HMGN1: variants seen among roughly 807,000 people sequenced by gnomAD.
HMGN1 encodes high mobility group nucleosome binding domain 1.
A neutral mutation model predicts 18.4 loss-of-function variants in HMGN1; 9 were observed. The observed-to-expected ratio is 0.49, with a 90% confidence interval of 0.29 to 0.85. HMGN1 has a LOEUF of 0.85. Among genes scored for constraint, HMGN1 ranks in the 40% least tolerant of loss-of-function variants. The pLI is 0.07. For synonymous variants in HMGN1, 59 were observed against 45.0 expected (o/e 1.31, Z -1.24); for missense variants, 151 against 119.2 (o/e 1.27, Z -1.24).
intron 5 of HMGN1, among the ~76,000 whole-genome samples, chr21:39,344,070 C>T (rs1164219505): frequency 2.0e-5 from 3 of 152,026 alleles, no homozygotes; most frequent in Non-Finnish European, 4.4e-5. Flanking sequence ...GCCTGGCTAA[C>T]ACGGCGAAAC....
chr21:39,345,793 C>G (rs1375272720), intron 4 of HMGN1: 1 of 1,292,212 alleles, frequency 7.7e-7, no homozygotes, highest in Admixed American at 2.3e-5. Context: ...CAATACTGTC[C>G]TCACAAGACC....
In HMGN1 at chr21:39,348,110, T is replaced by C. The variant is rs1244469060; in HGVS notation, c.126+182A>G. The C allele has an allele frequency of 2.0e-5, 18 of 900,946 alleles. No individual in the cohort carries two copies. The East Asian group carries it at 2.6e-4, about 13-fold the overall frequency. The allele number at this position is 900,946 out of a possible 1,614,324, so 55.8% of individuals were successfully genotyped here. On this transcript the variant is annotated intron_variant, in intron 4 of 5. Transcript: ENST00000380749. ...CATCTGCAGCAGCATTAGTGTGATA[T>C]AGTTCTATAAACCAGGATGAATATA...
chr21:39,346,029 A>C (rs1034402731), intron 4 of HMGN1: 6 of 991,726 alleles, frequency 6.1e-6, no homozygotes, highest in Non-Finnish European at 8.4e-6. Context: ...GCCATGTTAA[A>C]GAAACATAAA....
At chr21:39,348,711 T>G in intron 1 of HMGN1, 134 bp from the exon 2 acceptor site, 1 of 1,169,288 alleles carries the variant, frequency 8.6e-7, no homozygotes, top group Non-Finnish European at 1.1e-6. Context: ...CCCCCTCAGC[T>G]CCCCCGGCCG....
intron 4 of HMGN1, chr21:39,346,668 T>C (rs1241018938): frequency 6.6e-6 from 1 of 152,484 alleles, no homozygotes; most frequent in Non-Finnish European, 1.5e-5. Flanking sequence ...AGTGACAAGA[T>C]ATGCCTTGAA....
chr21:39,344,884 A>G (rs1443856809), intron 5 of HMGN1, among the ~76,000 whole-genome samples: 1 of 152,202 alleles, frequency 6.6e-6, no homozygotes, highest in Non-Finnish European at 1.5e-5. Context: ...TCCAGAATAT[A>G]AAAACAAAAC....
intron 4 of HMGN1, 130 bp from the exon 5 acceptor site, chr21:39,345,404 A>G: frequency 2.4e-6 from 2 of 824,804 alleles, no homozygotes; most frequent in East Asian, 2.6e-5. Context: ...GGTTTGAGAG[A>G]GGGACATCTC....
At position 39,347,214 on chromosome 21, in the gene HMGN1, G is replaced by T. The variant is rs1404308789; in HGVS notation, c.126+1078C>A. ...TTACCACATGGTCTTCTGGTAATGA[G>T]AAATTTAAAGTTGAAAAATACTATT... On this transcript the variant is annotated intron_variant, in intron 4 of 5. Coordinates refer to ENST00000380749, the MANE Select transcript of HMGN1 (RefSeq NM_004965.7). 16 of 465,836 alleles carry T rather than the reference G, an allele frequency of 3.4e-5. 1 individual carries two copies. Among genetic ancestry groups the T allele is most frequent in the Non-Finnish European group, 4.9e-5 (16 of 324,682 alleles). The allele number at this position is 465,836 out of a possible 1,614,324, so 28.9% of individuals were successfully genotyped here.
rs776353119 is a variant in HMGN1 at position 39,342,966 on chromosome 21, A to T, written c.*146T>A. On this transcript the variant is annotated 3_prime_UTR_variant, in exon 6 of 6. Transcript: ENST00000380749. ...AAAAAAAAGCATTTACACTTAAAAA[A>T]TGGGATGAGGTGGGATTCCCTCCTT... 30 of 1,256,346 alleles carry T rather than the reference A, an allele frequency of 2.4e-5. No homozygotes were observed. Among genetic ancestry groups the T allele is most frequent in the Non-Finnish European group, 2.7e-5 (24 of 890,282 alleles). The allele number at this position is 1,256,346 out of a possible 1,614,324, so 77.8% of individuals were successfully genotyped here.
rs1240322112 is a variant in HMGN1 at position 39,349,040 on chromosome 21, G to A, written c.-123C>T. On this transcript the variant is annotated 5_prime_UTR_variant, in exon 1 of 6. Transcript: ENST00000380749. The stretch of plus-strand genomic sequence containing the variant: ...CTGCCTTGCCGCTGCCACTCCTCCC[G>A]CCGCCCGAGCTGCTGAGACCCACAG... 4.6e-6 allele frequency: 5 copies of A among 1,076,810 alleles called. No individual in the cohort carries two copies. Among genetic ancestry groups the A allele is most frequent in the East Asian group, 7.5e-5 (2 of 26,828 alleles). 66.7% of individuals were successfully genotyped at this position (1,076,810 alleles called of 1,614,324 possible).
intron 1 of HMGN1, 144 bp from the exon 2 acceptor site, chr21:39,348,721 G>A (rs1326366858): frequency 7.8e-6 from 9 of 1,159,546 alleles, no homozygotes; most frequent in Admixed American, 7.3e-5. Flanking sequence ...TCCCCCGGCC[G>A]CCAAACGTTC....
intron 5 of HMGN1, among the ~76,000 whole-genome samples, chr21:39,343,678 T>C (rs1054979311): frequency 2.0e-5 from 3 of 152,194 alleles, no homozygotes; most frequent in Non-Finnish European, 4.4e-5. Flanking sequence ...TTAACATACA[T>C]TAAGGCATGT....
intron 4 of HMGN1, chr21:39,347,474 TC>T (rs2037095873): frequency 1.6e-6 from 2 of 1,288,382 alleles, no homozygotes; most frequent in Non-Finnish European, 2.1e-6. Context: ...GTGCTAAACT[TC>T]TACCTACACT....
At chr21:39,344,693 T>C (rs2036981544) in intron 5 of HMGN1, 2 of 154,510 alleles carry the variant, frequency 1.3e-5, no homozygotes. Flanking sequence ...TAACAGACAC[T>C]GTCTCTAAGA....
intron 4 of HMGN1, chr21:39,347,315 C>T (rs2249666): frequency 0.41 from 398,716 of 961,712 alleles, 84,187 homozygotes; most frequent in Middle Eastern, 0.45. Flanking sequence ...ACATAGTTAA[C>T]ATTTTTACAC....
intron 4 of HMGN1, chr21:39,347,428 T>C: frequency 7.8e-7 from 1 of 1,285,432 alleles, no homozygotes; most frequent in African/African-American, 1.5e-5. Flanking sequence ...CTCCTCAATG[T>C]CAAGGAAATT....
chr21:39,348,941 C>T lies in HMGN1; in HGVS notation c.-24G>A. 1 of 1,196,310 alleles carries T rather than the reference C, an allele frequency of 8.4e-7. No homozygotes were observed. Among genetic ancestry groups the T allele is most frequent in the Non-Finnish European group, 1.0e-6 (1 of 965,484 alleles). The allele number at this position is 1,196,310 out of a possible 1,614,324, so 74.1% of individuals were successfully genotyped here. A position where few individuals can be genotyped will look rare whatever the true frequency, so the allele number is the denominator to read the frequency against. On this transcript the variant is annotated 5_prime_UTR_variant, in exon 1 of 6. Transcript: ENST00000380749. ...ATCGTGGCGGCGGGGAAGGCGCGTGCCGGGTGCCTGCGGGGAAGGCGCGTG... is the reference window on the plus strand; with the variant it reads ...ATCGTGGCGGCGGGGAAGGCGCGTGTCGGGTGCCTGCGGGGAAGGCGCGTG...
At position 39,348,404 on chromosome 21, in the gene HMGN1, G is replaced by T. The variant is rs201338982; in HGVS notation, c.78+18C>A. 1.7e-5 allele frequency: 27 copies of T among 1,614,156 alleles called. No homozygotes were observed. Among genetic ancestry groups the T allele is most frequent in the Non-Finnish European group, 2.3e-5 (27 of 1,180,030 alleles). ...CGACCCGCGGAAAACGAACGGTTACGGGGCTCGCTTTACTTACAGCTGACA... is the reference window on the plus strand; with the variant it reads ...CGACCCGCGGAAAACGAACGGTTACTGGGCTCGCTTTACTTACAGCTGACA... On this transcript the variant is annotated intron_variant, in intron 3 of 5. Transcript: ENST00000380749.
At chr21:39,348,823 C>G in intron 1 of HMGN1, 80 bp downstream of exon 1, 1 of 1,054,432 alleles carries the variant, frequency 9.5e-7, no homozygotes, top group Non-Finnish European at 1.2e-6. Flanking sequence ...GTGGGTGCAA[C>G]GGGGCCTGGG....
Sources: allele counts gnomAD v4.1 joint callset (sites outside exome capture counted in the v4.1 genomes callset), GRCh38; gene constraint gnomAD v4.1.1; transcripts MANE v1.5; gene names NCBI Gene and HGNC (gene_info 2026-07-23, HGNC 2026-07-21).